The following SYBU variants were observed in gnomAD, a reference collection of about 807,000 sequenced individuals.
SYBU encodes the protein GOLSYN A protein.
A neutral mutation model predicts 35.9 loss-of-function variants in SYBU; 21 were observed. The ratio of observed to expected loss-of-function variants is 0.58; its 90% CI spans 0.41 to 0.84. SYBU has a LOEUF of 0.84. SYBU is among the 40% of genes least tolerant of loss of function. SYBU has a pLI of 0.00. For synonymous variants in SYBU, 319 were observed against 324.3 expected, an observed-to-expected ratio of 0.98 and a Z score of 0.18; for missense variants, 768 against 848.2, an observed-to-expected ratio of 0.91 and a Z score of 1.17.
At chr8:109,650,594 G>A (rs1429145224) in intron 1 of SYBU, among the ~76,000 whole-genome samples, 1 of 152,190 alleles carries the variant, frequency 6.6e-6, no homozygotes, top group Admixed American at 6.5e-5. Flanking sequence ...GGTTATTCCT[G>A]TGAACCACTG....
At chr8:109,591,713 C>A (rs1406742993) in intron 3 of SYBU, among the ~76,000 whole-genome samples, 3 of 151,212 alleles carry the variant, frequency 2.0e-5, no homozygotes, top group Non-Finnish European at 3.0e-5. Flanking sequence ...GGGGTTTCAC[C>A]GTGTTAGCCA....
chr8:109,631,523 G>C (rs747471987), intron 2 of SYBU, among the ~76,000 whole-genome samples: 1 of 152,204 alleles, frequency 6.6e-6, no homozygotes, highest in Admixed American at 6.5e-5. Context: ...CATTTCTGCA[G>C]AAGACTCCGT....
At chr8:109,629,579 A>G (rs1472813384) in intron 2 of SYBU, among the ~76,000 whole-genome samples, 6 of 152,186 alleles carry the variant, frequency 3.9e-5, no homozygotes, top group Non-Finnish European at 8.8e-5. Context: ...ATGAAAGGAT[A>G]TTGTGAATAA....
At chr8:109,592,184 C>T (rs1471640494) in intron 3 of SYBU, among the ~76,000 whole-genome samples, 1 of 152,090 alleles carries the variant, frequency 6.6e-6, no homozygotes, top group Non-Finnish European at 1.5e-5. Context: ...ACATCTATCC[C>T]TTAAAAAGAC....
At chr8:109,646,533 G>A (rs951254148), upstream of SYBU, 1 of 152,204 alleles carries the variant, frequency 6.6e-6, no homozygotes, top group Non-Finnish European at 1.5e-5. Context: ...GGAAGAAGAG[G>A]TGATTAATTC....
At chr8:109,635,700 A>G (rs1003045398) in intron 2 of SYBU, among the ~76,000 whole-genome samples, 2 of 152,282 alleles carry the variant, frequency 1.3e-5, no homozygotes, top group African/African-American at 4.8e-5. Context: ...TCTAGCCCCA[A>G]ATCTCACACA....
intron 3 of SYBU, among the ~76,000 whole-genome samples, chr8:109,589,436 G>A (rs1487931621): frequency 6.6e-6 from 1 of 152,182 alleles, no homozygotes; most frequent in African/African-American, 2.4e-5. Context: ...CCAGGTTAGT[G>A]GAGTGTTATC....
Position 109,600,864 on chromosome 8 carries a change from G to C in SYBU, c.428-14702C>G, listed in dbSNP as rs149262153. ...AGCAGACGTTTAATGCAAACACTTAGGATACTCTTATGAACAAGGTCGACA... is the reference window on the plus strand; with the variant it reads ...AGCAGACGTTTAATGCAAACACTTACGATACTCTTATGAACAAGGTCGACA... On this transcript the variant is annotated intron_variant, in intron 3 of 6. Transcript: ENST00000276646. Among the ~76,000 whole-genome samples, 234 of 152,224 alleles carry C rather than the reference G, an allele frequency of 1.5e-3. 1 individual carries two copies. The East Asian group carries it at 0.023, about 15-fold the overall frequency.
upstream of SYBU, among the ~76,000 whole-genome samples, chr8:109,682,609 C>G (rs962567924): frequency 3.3e-5 from 5 of 152,116 alleles, no homozygotes; most frequent in African/African-American, 1.2e-4. Context: ...CATTTGCAGT[C>G]TAATGATGCA....
chr8:109,685,141 C>G (rs532357847), upstream of SYBU, among the ~76,000 whole-genome samples: 1 of 152,198 alleles, frequency 6.6e-6, no homozygotes, highest in South Asian at 2.1e-4. Context: ...TCTTAACTTT[C>G]GTCATTTGTA....
intron 1 of SYBU, among the ~76,000 whole-genome samples, chr8:109,657,355 C>T (rs1411839490): frequency 6.6e-6 from 1 of 152,066 alleles, no homozygotes; most frequent in African/African-American, 2.4e-5. Flanking sequence ...TTCTTTTTCC[C>T]TTCCTTTTAA....
At chr8:109,677,042 G>A (rs1316859070) in intron 1 of SYBU, among the ~76,000 whole-genome samples, 1 of 152,016 alleles carries the variant, frequency 6.6e-6, no homozygotes, top group East Asian at 1.9e-4. Flanking sequence ...TCATGTGTGT[G>A]TGTGTGTGTG....
intron 3 of SYBU, among the ~76,000 whole-genome samples, chr8:109,601,570 A>C (rs1180036508): frequency 6.6e-6 from 1 of 152,120 alleles, no homozygotes; most frequent in African/African-American, 2.4e-5. Flanking sequence ...GAAAACACAG[A>C]GGAGGAAGAA....
intron 3 of SYBU, among the ~76,000 whole-genome samples, chr8:109,591,238 A>C (rs978044135): frequency 2.0e-5 from 3 of 152,216 alleles, no homozygotes; most frequent in African/African-American, 7.2e-5. Context: ...GGGTATGGCA[A>C]GTCTGCTTTT....
chr8:109,630,828 A>G (rs189736268), intron 2 of SYBU, among the ~76,000 whole-genome samples: 234 of 152,282 alleles, frequency 1.5e-3, no homozygotes, highest in African/African-American at 5.3e-3. Flanking sequence ...GGATGTCTGG[A>G]GCATCATCAC....
intron 1 of SYBU, among the ~76,000 whole-genome samples, chr8:109,662,623 G>T (rs1816604357): frequency 6.6e-6 from 1 of 152,114 alleles, no homozygotes; most frequent in Non-Finnish European, 1.5e-5. Flanking sequence ...CATTAGTGTA[G>T]GATTTATCTT....
At position 109,644,703 on chromosome 8, in the gene SYBU, C is replaced by G; in HGVS notation, c.-44G>C. 1 of 1,485,014 alleles carries G rather than the reference C, an allele frequency of 6.7e-7. No homozygotes were observed. Among genetic ancestry groups the G allele is most frequent in the Non-Finnish European group, 8.9e-7 (1 of 1,125,736 alleles). 92.0% of individuals were successfully genotyped at this position (1,485,014 alleles called of 1,614,324 possible). On this transcript the variant is annotated 5_prime_UTR_variant, in exon 1 of 7. Transcript: ENST00000276646. ...CTCCTCGCGCCGCCGCTGCCGCCGT[C>G]CAGGAGGAGGCACCTGCGAGCACGG...
At chr8:109,585,904 T>A (rs181616626) in intron 4 of SYBU, 156 bp downstream of exon 4, 547 of 615,906 alleles carry the variant, frequency 8.9e-4, no homozygotes, top group South Asian at 1.7e-3. Flanking sequence ...CAGGAAAAAC[T>A]ACCAATTTAA....
intron 2 of SYBU, among the ~76,000 whole-genome samples, chr8:109,639,673 T>A (rs73319188): frequency 0.065 from 9,958 of 152,284 alleles, 954 homozygotes; most frequent in African/African-American, 0.21. Flanking sequence ...TGGTATTTTT[T>A]AATATTTGTA....
Sources: gnomAD v4.1 joint callset for allele counts (sites outside exome capture counted in the v4.1 genomes callset) on GRCh38, gnomAD v4.1.1 for gene constraint, MANE v1.5 for transcripts, NCBI Gene and HGNC (gene_info 2026-07-23, HGNC 2026-07-21) for gene names.